DCAF6: variants seen among roughly 807,000 people sequenced by gnomAD.
DCAF6 encodes the protein DDB1 and CUL4 associated factor 6.
In DCAF6, 54 loss-of-function variants were observed where a neutral mutation model predicts 125.1. The observed-to-expected ratio is 0.43, with a 90% confidence interval of 0.35 to 0.54. The LOEUF (loss-of-function observed/expected upper bound fraction) is 0.54, where lower values mean the gene tolerates loss of function less well. DCAF6 is among the 20% of genes least tolerant of loss of function. DCAF6 has a pLI of 0.01. For missense variants in DCAF6, 934 were observed against 1,161.7 expected (o/e 0.80, Z 2.85); for synonymous variants, 371 against 390.4 (o/e 0.95, Z 0.58).
At chr1:168,031,330 CG>C (rs1486144904) in intron 12 of DCAF6, among the ~76,000 whole-genome samples, 4 of 152,082 alleles carry the variant, frequency 2.6e-5, no homozygotes, top group Non-Finnish European at 5.9e-5. Context: ...CATAGAACAG[CG>C]TGGTGTCTTG....
At chr1:167,931,613 T>C (rs1670913617), upstream of DCAF6, among the ~76,000 whole-genome samples, 1 of 152,068 alleles carries the variant, frequency 6.6e-6, no homozygotes, top group African/African-American at 2.4e-5. Context: ...TGACAATCTG[T>C]GGCAACAAAA....
chr1:167,936,367 G>A (rs1671214079), upstream of DCAF6: 1 of 179,500 alleles, frequency 5.6e-6, no homozygotes, highest in African/African-American at 2.4e-5. Context: ...GCCTAAAGAT[G>A]ATGCCGCACA....
At chr1:168,024,282 T>C (rs1341596741) in intron 12 of DCAF6, among the ~76,000 whole-genome samples, 1 of 150,646 alleles carries the variant, frequency 6.6e-6, no homozygotes, top group Admixed American at 6.6e-5. Context: ...ATTTTACAAA[T>C]GTTCCTTTCA....
At chr1:168,072,106 G>A (rs1693118112) in intron 21 of DCAF6, among the ~76,000 whole-genome samples, 1 of 151,668 alleles carries the variant, frequency 6.6e-6, no homozygotes. Context: ...GACCAGCCTG[G>A]CCAACATGGT....
At chr1:167,911,844 G>A in the DCAF6 span, among the ~76,000 whole-genome samples, 2 of 152,292 alleles carry the variant, frequency 1.3e-5, no homozygotes, top group African/African-American at 4.8e-5. Context: ...TTTTAATTAA[G>A]GTGATGTGAA....
the DCAF6 span, among the ~76,000 whole-genome samples, chr1:167,874,837 C>G: frequency 2.6e-3 from 390 of 152,102 alleles, 2 homozygotes; most frequent in African/African-American, 8.8e-3. Context: ...ATATAACATA[C>G]CATTGAGTAA....
At position 167,960,174 on chromosome 1, in the gene DCAF6, C is replaced by T. The variant is rs115356785; in HGVS notation, c.160-6455C>T. ...ACTCCTTTGTCAAAGGTCCGATGAT[C>T]GTGTTTATGTGGGTCTGTTTCTGGG... On this transcript the variant is annotated intron_variant, in intron 2 of 21. Coordinates refer to ENST00000367840, the MANE Select transcript of DCAF6 (RefSeq NM_001198956.2). Among the ~76,000 whole-genome samples the T allele has an allele frequency of 2.2e-3, 342 of 152,006 alleles. 1 individual carries two copies. The highest frequency in any genetic ancestry group is 7.6e-3 in the African/African-American group (314 of 41,474).
intron 3 of DCAF6, among the ~76,000 whole-genome samples, chr1:167,971,857 T>C (rs1677360017): frequency 1.3e-5 from 2 of 152,124 alleles, no homozygotes; most frequent in South Asian, 2.1e-4. Context: ...ATTATTGTTA[T>C]TGTAATTTTT....
chr1:167,902,058 A>AG, the DCAF6 span: 2 of 1,599,840 alleles, frequency 1.3e-6, no homozygotes, highest in Non-Finnish European at 1.7e-6. Context: ...AACACTTCTG[A>AG]GAAAAAAAAA....
At chr1:167,904,973 A>G in the DCAF6 span, 2 of 1,614,240 alleles carry the variant, frequency 1.2e-6, no homozygotes, top group Non-Finnish European at 1.7e-6. Context: ...ACATTAAACA[A>G]ACATCCCTTT....
chr1:168,039,446 T>C (rs1253309367), intron 13 of DCAF6, among the ~76,000 whole-genome samples: 2 of 151,138 alleles, frequency 1.3e-5, no homozygotes, highest in South Asian at 4.2e-4. Context: ...AATGAAACTT[T>C]ACATTTGAGA....
chr1:168,041,890 TCGCG>T (rs72312672), intron 13 of DCAF6, among the ~76,000 whole-genome samples: 4 of 89,518 alleles, frequency 4.5e-5, no homozygotes, highest in South Asian at 3.0e-4. Context: ...TACATGTTTG[TCGCG>T]CACACACACA....
At chr1:168,031,761 A>G (rs1394520717) in intron 12 of DCAF6, among the ~76,000 whole-genome samples, 1 of 152,134 alleles carries the variant, frequency 6.6e-6, no homozygotes, top group Non-Finnish European at 1.5e-5. Flanking sequence ...GAAATACTGG[A>G]AAAGGATTTT....
chr1:167,984,670 A>T (rs1679683108), intron 4 of DCAF6, among the ~76,000 whole-genome samples: 1 of 152,228 alleles, frequency 6.6e-6, no homozygotes, highest in Non-Finnish European at 1.5e-5. Flanking sequence ...CAAATATGAA[A>T]TGAGTAAAAA....
At chr1:168,061,497 T>C (rs1691592092) in intron 17 of DCAF6, among the ~76,000 whole-genome samples, 1 of 152,170 alleles carries the variant, frequency 6.6e-6, no homozygotes, top group Non-Finnish European at 1.5e-5. Flanking sequence ...TTAAGCAGTA[T>C]AATGGTGATA....
chr1:167,966,831 C>T, intron 3 of DCAF6, 110 bp downstream of exon 3: 1 of 677,324 alleles, frequency 1.5e-6, no homozygotes, highest in Non-Finnish European at 2.6e-6. Flanking sequence ...AGAATATCCT[C>T]CCTATTTTGC....
the DCAF6 span, chr1:167,904,125 T>C: frequency 1.7e-6 from 1 of 592,992 alleles, no homozygotes; most frequent in East Asian, 3.1e-5. Context: ...TCTTGCTTTG[T>C]AGCCCAGGCT....
the DCAF6 span, among the ~76,000 whole-genome samples, chr1:167,918,734 C>T: frequency 1.3e-5 from 2 of 151,682 alleles, no homozygotes; most frequent in Admixed American, 1.3e-4. Context: ...GCTGGGACTA[C>T]AGGCGCCCGC....
intron 5 of DCAF6, among the ~76,000 whole-genome samples, chr1:167,990,248 G>A (rs553699190): frequency 2.1e-4 from 32 of 152,062 alleles, no homozygotes; most frequent in Admixed American, 1.8e-3. Context: ...TGCACCTGTA[G>A]TCCTAGCCAC....
Sources: gnomAD v4.1 joint callset for allele counts (sites outside exome capture counted in the v4.1 genomes callset) on GRCh38, gnomAD v4.1.1 for gene constraint, MANE v1.5 for transcripts, NCBI Gene and HGNC (gene_info 2026-07-23, HGNC 2026-07-21) for gene names.